TFDP2: variants seen among roughly 807,000 people sequenced by gnomAD.
TFDP2 encodes the protein transcription factor Dp-2 (E2F dimerization partner 2).
A neutral mutation model predicts 59.3 loss-of-function variants in TFDP2; 17 were observed. The observed-to-expected ratio is 0.29, with a 90% confidence interval of 0.20 to 0.43. TFDP2 has a LOEUF of 0.43. Among genes scored for constraint, TFDP2 ranks in the 20% least tolerant of loss-of-function variants. The pLI, the probability that TFDP2 is intolerant of heterozygous loss-of-function variation, is 1.00. For missense variants in TFDP2, 391 were observed against 528.8 expected, an observed-to-expected ratio of 0.74 and a Z score of 2.56; for synonymous variants, 180 against 194.7, an observed-to-expected ratio of 0.92 and a Z score of 0.63.
At chr3:142,147,442 C>T (rs1485183556) in intron 1 of TFDP2, among the ~76,000 whole-genome samples, 1 of 152,134 alleles carries the variant, frequency 6.6e-6, no homozygotes, top group East Asian at 1.9e-4. Flanking sequence ...TGAGGGCACA[C>T]GGCTCAGACA....
intron 1 of TFDP2, among the ~76,000 whole-genome samples, chr3:142,113,502 C>T (rs1221101206): frequency 1.3e-5 from 2 of 152,018 alleles, no homozygotes; most frequent in Admixed American, 6.6e-5. Flanking sequence ...CCTCATGATC[C>T]GCCCCGCCTC....
At chr3:142,036,305 T>G (rs1946692244) in intron 3 of TFDP2, among the ~76,000 whole-genome samples, 1 of 152,204 alleles carries the variant, frequency 6.6e-6, no homozygotes, top group South Asian at 2.1e-4. Context: ...ACTTTACTGC[T>G]AAGGTCAGAA....
intron 4 of TFDP2, among the ~76,000 whole-genome samples, chr3:142,001,662 A>G (rs1943781989): frequency 6.6e-6 from 1 of 152,140 alleles, no homozygotes; most frequent in South Asian, 2.1e-4. Flanking sequence ...TTCACTTCTG[A>G]TGATAAATTA....
intron 1 of TFDP2, among the ~76,000 whole-genome samples, chr3:142,128,018 T>C (rs2062334296): frequency 6.6e-6 from 1 of 151,894 alleles, no homozygotes; most frequent in Non-Finnish European, 1.5e-5. Context: ...GGCAACACAG[T>C]GAAACTTCAT....
intron 3 of TFDP2, among the ~76,000 whole-genome samples, chr3:142,022,093 G>A (rs1945662576): frequency 6.6e-6 from 1 of 152,026 alleles, no homozygotes; most frequent in South Asian, 2.1e-4. Context: ...ATTAATAATT[G>A]AGGAAGTTTA....
At chr3:142,122,368 A>G (rs1297112314) in intron 1 of TFDP2, among the ~76,000 whole-genome samples, 1 of 152,114 alleles carries the variant, frequency 6.6e-6, no homozygotes, top group Non-Finnish European at 1.5e-5. Flanking sequence ...TAAAATCCCT[A>G]TCTCTAAAAT....
chr3:142,126,359 T>A (rs982895264), intron 1 of TFDP2: 7 of 151,970 alleles, frequency 4.6e-5, no homozygotes, highest in Middle Eastern at 3.2e-3. Context: ...ACAGTTTTTT[T>A]AAAAGCCAGA....
At chr3:141,978,930 T>G (rs1941112779) in intron 6 of TFDP2, among the ~76,000 whole-genome samples, 1 of 152,218 alleles carries the variant, frequency 6.6e-6, no homozygotes, top group Non-Finnish European at 1.5e-5. Context: ...ATTGACCAGT[T>G]ACTATTCTAT....
chr3:142,134,232 C>G (rs754270988), intron 1 of TFDP2, among the ~76,000 whole-genome samples: 19 of 150,836 alleles, frequency 1.3e-4, no homozygotes, highest in Non-Finnish European at 2.1e-4. Context: ...GCCTGTAATC[C>G]CAGCTACTCA....
intron 10 of TFDP2, among the ~76,000 whole-genome samples, chr3:141,961,852 C>T (rs1000022269): frequency 1.3e-5 from 2 of 152,128 alleles, no homozygotes; most frequent in Non-Finnish European, 1.5e-5. Context: ...GCAGGGGGAC[C>T]GCTTGAGCCC....
chr3:141,964,626 T>C (rs1289020254), intron 9 of TFDP2, among the ~76,000 whole-genome samples: 1 of 152,146 alleles, frequency 6.6e-6, no homozygotes, highest in African/African-American at 2.4e-5. Context: ...CATTCCAGCC[T>C]GGGTGACAGA....
rs1673128019 is a variant in TFDP2 at position 141,950,083 on chromosome 3, A to C, written c.*2430T>G. The C allele has an allele frequency of 6.6e-6, 1 of 152,246 alleles. No individual in the cohort carries two copies. The highest frequency in any genetic ancestry group is 1.5e-5 in the Non-Finnish European group (1 of 68,116). The allele number at this position is 152,246 out of a possible 1,614,324, so 9.4% of individuals were successfully genotyped here. ...CGGCCTCCCAAAGTGCTACGATTAC[A>C]GGCGAGAGGCACTGCACCCAGCCCA... On this transcript the variant is annotated 3_prime_UTR_variant, in exon 13 of 13. Transcript: ENST00000489671.
At chr3:142,091,688 C>T (rs1386083794) in intron 3 of TFDP2, among the ~76,000 whole-genome samples, 1 of 152,126 alleles carries the variant, frequency 6.6e-6, no homozygotes, top group Non-Finnish European at 1.5e-5. Flanking sequence ...TCGTGGAAGA[C>T]AATTTTTCCA....
At chr3:142,000,540 A>G (rs1217282582) in intron 4 of TFDP2, among the ~76,000 whole-genome samples, 3 of 152,210 alleles carry the variant, frequency 2.0e-5, no homozygotes, top group African/African-American at 4.8e-5. Context: ...CACAGCATCC[A>G]GTTCCTGGCC....
At chr3:142,018,659 A>G (rs1196297497) in intron 3 of TFDP2, among the ~76,000 whole-genome samples, 2 of 151,696 alleles carry the variant, frequency 1.3e-5, no homozygotes, top group Non-Finnish European at 2.9e-5. Flanking sequence ...TGCCCAGGCT[A>G]TTCTTGAACT....
chr3:142,102,116 T>C (rs1275282647), intron 1 of TFDP2, among the ~76,000 whole-genome samples: 2 of 152,300 alleles, frequency 1.3e-5, no homozygotes, highest in African/African-American at 4.8e-5. Flanking sequence ...GAAAATCCAC[T>C]GAAAGAAACA....
chr3:142,119,914 G>A (rs1406893684), intron 1 of TFDP2, among the ~76,000 whole-genome samples: 1 of 152,060 alleles, frequency 6.6e-6, no homozygotes, highest in Non-Finnish European at 1.5e-5. Flanking sequence ...GCTGGGCATG[G>A]TGGTGCGCGC....
intron 3 of TFDP2, among the ~76,000 whole-genome samples, chr3:142,027,155 A>C (rs1238635253): frequency 6.6e-6 from 1 of 152,138 alleles, no homozygotes; most frequent in Non-Finnish European, 1.5e-5. Flanking sequence ...TTTTTTCCTT[A>C]AGTGAAGTTC....
chr3:141,990,118 T>C (rs1198553731), intron 6 of TFDP2, among the ~76,000 whole-genome samples: 3 of 152,164 alleles, frequency 2.0e-5, no homozygotes. Flanking sequence ...GGTCTTGAAC[T>C]CCTGACCTCA....
Sources: gnomAD v4.1 joint callset for allele counts (sites outside exome capture counted in the v4.1 genomes callset) on GRCh38, gnomAD v4.1.1 for gene constraint, MANE v1.5 for transcripts, NCBI Gene and HGNC (gene_info 2026-07-23, HGNC 2026-07-21) for gene names.